The following RBM47 variants were observed in gnomAD, a reference collection of about 807,000 sequenced individuals.
The protein encoded by RBM47 is RNA-binding protein 47.
In RBM47, 21 loss-of-function variants were observed where a neutral mutation model predicts 47.1. That is an observed-to-expected ratio of 0.45 (90% CI 0.32 to 0.64). The LOEUF (loss-of-function observed/expected upper bound fraction) is 0.64. Ranked by LOEUF, RBM47 falls within the 30% of genes least tolerant of loss-of-function variation. The probability of loss-of-function intolerance (pLI) is 0.05; values close to 1 mark genes in which losing one functional copy is unlikely to be tolerated. For synonymous variants in RBM47, 375 were observed against 361.7 expected (o/e 1.04, Z -0.42); for missense variants, 708 against 870.9 (o/e 0.81, Z 2.35).
At chr4:40,554,758 TTCCC>T (rs1478044245) in intron 1 of RBM47, among the ~76,000 whole-genome samples, 1 of 151,198 alleles carries the variant, frequency 6.6e-6, no homozygotes, top group Non-Finnish European at 1.5e-5. Context: ...TCTCCTTTCT[TTCCC>T]TCCCTCCCTC....
At chr4:40,605,171 C>T (rs953388427) in intron 1 of RBM47, among the ~76,000 whole-genome samples, 3 of 151,596 alleles carry the variant, frequency 2.0e-5, no homozygotes, top group Admixed American at 6.6e-5. Flanking sequence ...TACAGGCACC[C>T]GCCACCGCGC....
At chr4:40,444,542 T>C (rs1438015102) in intron 3 of RBM47, among the ~76,000 whole-genome samples, 1 of 152,202 alleles carries the variant, frequency 6.6e-6, no homozygotes, top group Non-Finnish European at 1.5e-5. Flanking sequence ...TCCGGCTCTG[T>C]TGACCCCTGG....
chr4:40,617,203 C>T (rs1736833588), intron 1 of RBM47, among the ~76,000 whole-genome samples: 2 of 152,064 alleles, frequency 1.3e-5, no homozygotes, highest in Middle Eastern at 6.8e-3. Flanking sequence ...TTATCTTTCT[C>T]TTACTTGTTA....
intron 2 of RBM47, among the ~76,000 whole-genome samples, chr4:40,500,255 G>A (rs911299384): frequency 6.6e-6 from 1 of 151,954 alleles, no homozygotes; most frequent in Non-Finnish European, 1.5e-5. Flanking sequence ...GGAGGTTGCA[G>A]TGAGCCGAGA....
At chr4:40,473,194 T>C (rs1182619001) in intron 2 of RBM47, among the ~76,000 whole-genome samples, 1 of 152,182 alleles carries the variant, frequency 6.6e-6, no homozygotes, top group Non-Finnish European at 1.5e-5. Flanking sequence ...TCCACATACA[T>C]CGTCTTATTT....
At chr4:40,620,195 G>GAAAAAAAAAAAAAAAAAAAAAAA (rs200356171) in intron 1 of RBM47, among the ~76,000 whole-genome samples, 1 of 80,196 alleles carries the variant, frequency 1.2e-5, no homozygotes. Flanking sequence ...GACTCAGTAT[G>GAAAAAAAAAAAAAAAAAAAAAAA]AAAAAAAAAA....
chr4:40,581,453 TAAATA>T lies in RBM47; in HGVS notation c.-239-36952_-239-36948del, dbSNP rs553849137. Among the ~76,000 whole-genome samples, 689 of 148,934 alleles carry T rather than the reference TAAATA, an allele frequency of 4.6e-3. 9 individuals carry two copies. The highest frequency in any genetic ancestry group is 0.016 in the African/African-American group (659 of 40,204). On this transcript the variant is annotated intron_variant, in intron 1 of 6. Transcript: ENST00000295971. ...AAGTAATAATAAATAAATAAATAAA[TAAATA>T]AATAAATAAAAGGAGAGGTCATTGG...
At chr4:40,577,741 G>GACC (rs747128133) in intron 1 of RBM47, among the ~76,000 whole-genome samples, 54 of 151,818 alleles carry the variant, frequency 3.6e-4, no homozygotes, top group Non-Finnish European at 6.8e-4. Flanking sequence ...CCTTATCACA[G>GACC]ACCGTTTAAA....
intron 2 of RBM47, among the ~76,000 whole-genome samples, chr4:40,535,089 T>C (rs1261200474): frequency 6.6e-6 from 1 of 152,172 alleles, no homozygotes; most frequent in East Asian, 1.9e-4. Context: ...TAGCCCCTTC[T>C]TTAGAGATTA....
intron 2 of RBM47, among the ~76,000 whole-genome samples, chr4:40,536,217 C>T (rs1207993444): frequency 2.0e-5 from 3 of 152,220 alleles, no homozygotes; most frequent in Non-Finnish European, 4.4e-5. Flanking sequence ...GTCAGACATT[C>T]TATTTCTGTC....
intron 1 of RBM47, among the ~76,000 whole-genome samples, chr4:40,615,173 G>A (rs2154280067): frequency 6.6e-6 from 1 of 152,206 alleles, no homozygotes; most frequent in East Asian, 1.9e-4. Context: ...GGCATACAGT[G>A]GGTGCTCAAT....
intron 1 of RBM47, among the ~76,000 whole-genome samples, chr4:40,575,038 C>T (rs1732156119): frequency 6.6e-6 from 1 of 152,104 alleles, no homozygotes; most frequent in Non-Finnish European, 1.5e-5. Flanking sequence ...AGTTATCTGG[C>T]AACGCATGAA....
intron 1 of RBM47, among the ~76,000 whole-genome samples, chr4:40,616,875 T>TTTC (rs1384141222): frequency 1.2e-4 from 8 of 65,506 alleles, no homozygotes; most frequent in African/African-American, 6.5e-4. Flanking sequence ...TTTTCTTTTC[T>TTTC]TTTTTTTTTT....
At position 40,629,109 on chromosome 4, in the gene RBM47, GA is replaced by G. The variant is rs539330015; in HGVS notation, c.-240+286del. The stretch of plus-strand genomic sequence containing the variant: ...GGTCCAATCATGTATTTTCAAGAGT[GA>G]AAAAAAAAAATCAGTTTCTTTTATG... On this transcript the variant is annotated intron_variant, in intron 1 of 6. Coordinates refer to ENST00000295971, the MANE Select transcript of RBM47 (RefSeq NM_001098634.2). Among the ~76,000 whole-genome samples, 537 of 145,372 alleles carry G rather than the reference GA, an allele frequency of 3.7e-3. 3 individuals are homozygous for G. Among genetic ancestry groups the G allele is most frequent in the African/African-American group, 0.011 (434 of 39,826 alleles).
At chr4:40,465,013 C>T (rs142701786) in intron 3 of RBM47, among the ~76,000 whole-genome samples, 1 of 148,640 alleles carries the variant, frequency 6.7e-6, no homozygotes, top group South Asian at 2.2e-4. Flanking sequence ...GATTTTGTTA[C>T]ATTTTTCTAT....
intron 1 of RBM47, among the ~76,000 whole-genome samples, chr4:40,583,608 C>T (rs1227925263): frequency 6.6e-6 from 1 of 151,826 alleles, no homozygotes; most frequent in African/African-American, 2.4e-5. Flanking sequence ...GCTGTAATCC[C>T]AGCACTTTGG....
intron 3 of RBM47, among the ~76,000 whole-genome samples, chr4:40,448,032 T>TA (rs963057752): frequency 6.2e-5 from 9 of 144,766 alleles, no homozygotes; most frequent in East Asian, 4.0e-4. Context: ...AATAAAAAAA[T>TA]AAAAAAACAA....
intron 2 of RBM47, among the ~76,000 whole-genome samples, chr4:40,492,521 C>A (rs576838751): frequency 6.6e-6 from 1 of 152,158 alleles, no homozygotes; most frequent in Non-Finnish European, 1.5e-5. Flanking sequence ...TTCCAAGGAA[C>A]AAAGCTCAGG....
chr4:40,464,084 A>G (rs1241407636), intron 3 of RBM47, among the ~76,000 whole-genome samples: 1 of 152,220 alleles, frequency 6.6e-6, no homozygotes, highest in Non-Finnish European at 1.5e-5. Flanking sequence ...AGTTCTATTT[A>G]TAATACAATG....
Sources: gnomAD v4.1 joint callset for allele counts (sites outside exome capture counted in the v4.1 genomes callset) on GRCh38, gnomAD v4.1.1 for gene constraint, MANE v1.5 for transcripts, NCBI Gene and HGNC (gene_info 2026-07-23, HGNC 2026-07-21) for gene names.